Variants in ZNF66 observed in about 807,000 individuals in gnomAD.
ZNF66 encodes the protein putative zinc finger protein 66.
ZNF66 carries 32 observed loss-of-function variants against 35.2 expected under a neutral mutation model. The ratio of observed to expected loss-of-function variants is 0.91; its 90% confidence interval spans 0.69 to 1.22. ZNF66 has a LOEUF of 1.22. Among genes scored for constraint, ZNF66 ranks in the 50% most tolerant of loss-of-function variants. The pLI is 0.00. For missense variants in ZNF66, 666 were observed against 543.1 expected (o/e 1.23, Z -2.25); for synonymous variants, 231 against 181.3 (o/e 1.27, Z -2.20).
chr19:20,789,424 A>C (rs1971316201), intron 1 of ZNF66, among the ~76,000 whole-genome samples: 1 of 152,196 alleles, frequency 6.6e-6, no homozygotes, highest in Non-Finnish European at 1.5e-5. Flanking sequence ...CTTGAAACCC[A>C]AAAACAGATA....
intron 3 of ZNF66, among the ~76,000 whole-genome samples, chr19:20,799,908 G>A (rs772225680): frequency 1.3e-5 from 2 of 152,114 alleles, no homozygotes; most frequent in African/African-American, 2.4e-5. Flanking sequence ...TGAAGAGTGT[G>A]TTTCATATTC....
chr19:20,785,962 G>A (rs1568494688), intron 1 of ZNF66, among the ~76,000 whole-genome samples: 1 of 151,976 alleles, frequency 6.6e-6, no homozygotes, highest in African/African-American at 2.4e-5. Context: ...GGGTTTCACT[G>A]TGTTGGCTAA....
chr19:20,793,107 G>C (rs1201803416), intron 2 of ZNF66, among the ~76,000 whole-genome samples: 1 of 151,014 alleles, frequency 6.6e-6, no homozygotes, highest in South Asian at 2.1e-4. Flanking sequence ...ATTTCTTCAA[G>C]ATATTTCATC....
intron 1 of ZNF66, among the ~76,000 whole-genome samples, chr19:20,779,094 C>CA (rs754992203): frequency 5.3e-5 from 8 of 152,180 alleles, no homozygotes; most frequent in Non-Finnish European, 1.2e-4. Context: ...TGGGGTCCCA[C>CA]AGGCAGATGC....
chr19:20,808,688 C>T lies in ZNF66; in HGVS notation c.*1366C>T, dbSNP rs965947320. 4.6e-5 allele frequency among the ~76,000 whole-genome samples: 7 copies of T among 152,004 alleles called. No homozygotes were observed. Among genetic ancestry groups the T allele is most frequent in the African/African-American group, 1.4e-4 (6 of 41,388 alleles). On this transcript the variant is annotated 3_prime_UTR_variant, in exon 4 of 4. Coordinates refer to ENST00000344519, the MANE Select transcript of ZNF66 (RefSeq NM_001355197.2). The stretch of plus-strand genomic sequence containing the variant: ...CAGAAAGGACATCCACACCAAAAAC[C>T]CATCTGTACATCACCATCATCAAAG...
chr19:20,785,329 C>T (rs2144895100), intron 1 of ZNF66, among the ~76,000 whole-genome samples: 1 of 152,322 alleles, frequency 6.6e-6, no homozygotes, highest in Non-Finnish European at 1.5e-5. Flanking sequence ...AGAGCCACTG[C>T]TCTAAAATGT....
At chr19:20,797,702 T>A (rs888898408) in intron 3 of ZNF66, among the ~76,000 whole-genome samples, 1 of 152,030 alleles carries the variant, frequency 6.6e-6, no homozygotes, top group Non-Finnish European at 1.5e-5. Context: ...TAGCTGGGAC[T>A]ACTGGCGTGT....
At chr19:20,797,863 C>T (rs141931473) in intron 3 of ZNF66, among the ~76,000 whole-genome samples, 25 of 152,136 alleles carry the variant, frequency 1.6e-4, no homozygotes, top group African/African-American at 5.8e-4. Flanking sequence ...CACCTGGCCT[C>T]AGTGTAGGTT....
chr19:20,807,994 T>G lies in ZNF66; in HGVS notation c.*672T>G, dbSNP rs6511165. Among the ~76,000 whole-genome samples the G allele has an allele frequency of 0.013, 2,014 of 151,910 alleles. 42 individuals are homozygous for G. Among genetic ancestry groups the G allele is most frequent in the African/African-American group, 0.046 (1,896 of 41,394 alleles). On this transcript the variant is annotated 3_prime_UTR_variant, in exon 4 of 4. Transcript: ENST00000344519. ...GGGTGACAGATGGCACCTGGAAAAT[T>G]GGGTTACTCCCACCCTAATACTGCG...
chr19:20,784,305 C>A (rs1971268683), intron 1 of ZNF66, among the ~76,000 whole-genome samples: 1 of 152,058 alleles, frequency 6.6e-6, no homozygotes. Flanking sequence ...CTATGACGTT[C>A]ATTAAAATTA....
intron 1 of ZNF66, among the ~76,000 whole-genome samples, chr19:20,786,669 A>ATCC (rs56214696): frequency 0.74 from 112,625 of 151,942 alleles, 42,150 homozygotes; most frequent in Non-Finnish European, 0.79. Flanking sequence ...TTACATCTTT[A>ATCC]TCCTATTAAC....
chr19:20,784,265 T>G (rs190679145), intron 1 of ZNF66, among the ~76,000 whole-genome samples: 1 of 152,322 alleles, frequency 6.6e-6, no homozygotes, highest in South Asian at 2.1e-4. Context: ...AACTGAAGTA[T>G]AGTTACAGTT....
At chr19:20,787,582 T>A (rs781187241) in intron 1 of ZNF66, among the ~76,000 whole-genome samples, 2 of 152,194 alleles carry the variant, frequency 1.3e-5, no homozygotes, top group Non-Finnish European at 2.9e-5. Flanking sequence ...TACAGCCCCA[T>A]TTTGGGAGTG....
chr19:20,797,869 A>G (rs920248917), intron 3 of ZNF66, among the ~76,000 whole-genome samples: 1 of 152,062 alleles, frequency 6.6e-6, no homozygotes, highest in African/African-American at 2.4e-5. Flanking sequence ...GCCTCAGTGT[A>G]GGTTTCTTAC....
rs1239362508 is a variant in ZNF66 at position 20,808,994 on chromosome 19, C to A, written c.*1672C>A. On this transcript the variant is annotated 3_prime_UTR_variant, in exon 4 of 4. Transcript: ENST00000344519. ...CAATGCAGAGAAATGCTTAAAGGAGCTGATGGAGCTGAAAGCCAAGGATCA... is the reference window on the plus strand; with the variant it reads ...CAATGCAGAGAAATGCTTAAAGGAGATGATGGAGCTGAAAGCCAAGGATCA... 6.6e-6 allele frequency among the ~76,000 whole-genome samples: 1 copy of A among 152,090 alleles called. No individual in the cohort carries two copies. Among genetic ancestry groups the A allele is most frequent in the African/African-American group, 2.4e-5 (1 of 41,418 alleles).
intron 1 of ZNF66, among the ~76,000 whole-genome samples, chr19:20,788,333 G>A (rs1971306271): frequency 6.6e-6 from 1 of 152,118 alleles, no homozygotes; most frequent in African/African-American, 2.4e-5. Flanking sequence ...AAAATCTTGG[G>A]CTTTATTTAG....
In ZNF66 at chr19:20,807,430, A is replaced by G. The variant is rs1005131804; in HGVS notation, c.*108A>G. ...AACCAGCTATCAACTTTTACTAAATATGAGAATTTATGGAACACAAACACT... is the reference window on the plus strand; with the variant it reads ...AACCAGCTATCAACTTTTACTAAATGTGAGAATTTATGGAACACAAACACT... On this transcript the variant is annotated 3_prime_UTR_variant, in exon 4 of 4. Transcript: ENST00000344519. The G allele has an allele frequency of 1.8e-6, 1 of 550,604 alleles. No homozygotes were observed. Among genetic ancestry groups the G allele is most frequent in the South Asian group, 2.9e-5 (1 of 34,300 alleles). The allele number at this position is 550,604 out of a possible 1,614,324, so 34.1% of individuals were successfully genotyped here.
At chr19:20,805,753 T>C (rs947643628) in intron 3 of ZNF66, 74 bp from the exon 4 acceptor site, 2 of 456,404 alleles carry the variant, frequency 4.4e-6, no homozygotes, top group Non-Finnish European at 7.9e-6. Context: ...TGTATAATTT[T>C]ATAGGTTAGA....
At chr19:20,791,856 T>C (rs1252337067) in intron 1 of ZNF66, among the ~76,000 whole-genome samples, 1 of 152,186 alleles carries the variant, frequency 6.6e-6, no homozygotes, top group African/African-American at 2.4e-5. Context: ...TAGCTAATTA[T>C]TTTTCTCTTC....
Sources: gnomAD v4.1 joint callset for allele counts (sites outside exome capture counted in the v4.1 genomes callset) on GRCh38, gnomAD v4.1.1 for gene constraint, MANE v1.5 for transcripts, NCBI Gene and HGNC (gene_info 2026-07-23, HGNC 2026-07-21) for gene names.